Variants in C16orf54 observed in about 807,000 individuals in gnomAD.
C16orf54 encodes the protein transmembrane protein C16orf54.
C16orf54 carries 2 observed loss-of-function variants against 3.9 expected under a neutral mutation model. The ratio of observed to expected loss-of-function variants is 0.52; its 90% CI spans 0.21 to 1.63. The LOEUF (loss-of-function observed/expected upper bound fraction) is 1.63. C16orf54 is among the 40% of genes most tolerant of loss of function. The pLI, the probability that C16orf54 is intolerant of heterozygous loss-of-function variation, is 0.21. For missense variants in C16orf54, 272 were observed against 326.3 expected (o/e 0.83, Z 1.28); for synonymous variants, 128 against 135.1 (o/e 0.95, Z 0.37).
rs1222488539 is a variant in C16orf54, at chr16:29,742,467, G to A, written c.*1810C>T. 6.6e-6 allele frequency: 1 copy of A among 152,146 alleles called. No homozygotes were observed. Among genetic ancestry groups the A allele is most frequent in the African/African-American group, 2.4e-5 (1 of 41,430 alleles). 9.4% of individuals were successfully genotyped at this position (152,146 alleles called of 1,614,324 possible). A position where few individuals can be genotyped will look rare whatever the true frequency, so the allele number is the denominator to read the frequency against. ...ACAGAATTTAGATCTTAACAATTTT[G>A]TTTACATTGTATTTATTTTCATGTT... On this transcript the variant is annotated 3_prime_UTR_variant, in exon 2 of 2. Transcript: ENST00000329410.
intron 1 of C16orf54, among the ~76,000 whole-genome samples, chr16:29,745,654 G>A (rs1207287469): frequency 6.6e-6 from 1 of 152,016 alleles, no homozygotes; most frequent in Non-Finnish European, 1.5e-5. Flanking sequence ...ACCGCCTGCC[G>A]CCAGCACCTC....
chr16:29,745,223 A>G, intron 1 of C16orf54: 1 of 369,592 alleles, frequency 2.7e-6, no homozygotes, highest in Non-Finnish European at 4.8e-6. Context: ...TCCCAGCTAC[A>G]CAGGAAGCTG....
chr16:29,745,736 G>T (rs542473701), intron 1 of C16orf54, among the ~76,000 whole-genome samples, 175 bp downstream of exon 1: 1 of 152,220 alleles, frequency 6.6e-6, no homozygotes, highest in South Asian at 2.1e-4. Flanking sequence ...TAGGCTCCAC[G>T]GAATCTGCTG....
rs1968079999 is a variant in C16orf54, at chr16:29,742,899, G to A, written c.*1378C>T. ...CAGGAGTTCAAGGCCGCAGTGAGCT[G>A]AGATTGTGCCACTGTAGTCCAGCCT... is the stretch of plus-strand genomic sequence containing the variant. On this transcript the variant is annotated 3_prime_UTR_variant, in exon 2 of 2. Coordinates refer to ENST00000329410, the MANE Select transcript of C16orf54 (RefSeq NM_175900.4). 1 of 152,040 alleles carries A rather than the reference G, an allele frequency of 6.6e-6. No homozygotes were observed. Among genetic ancestry groups the A allele is most frequent in the Non-Finnish European group, 1.5e-5 (1 of 68,116 alleles). 9.4% of individuals were successfully genotyped at this position (152,040 alleles called of 1,614,324 possible).
rs963872881 is a variant in C16orf54, at chr16:29,743,630, G to A, written c.*647C>T. ...GGAGAATGGGCAGAGGAGCCTGTGG[G>A]TTTTCTCTGACTCTAGGTCCCCACT... is the stretch of plus-strand genomic sequence containing the variant. On this transcript the variant is annotated 3_prime_UTR_variant, in exon 2 of 2. Transcript: ENST00000329410. The A allele has an allele frequency of 2.0e-5, 3 of 152,418 alleles. No homozygotes were observed. Among genetic ancestry groups the A allele is most frequent in the African/African-American group, 4.8e-5 (2 of 41,414 alleles). 9.4% of individuals were successfully genotyped at this position (152,418 alleles called of 1,614,324 possible).
chr16:29,744,903 CG>C lies in C16orf54; in HGVS notation c.48del (p.Ala17HisfsTer87), dbSNP rs779892161. 4.1e-6 allele frequency: 6 copies of C among 1,461,942 alleles called. No homozygotes were observed. The highest frequency in any genetic ancestry group is 2.7e-5 in the Admixed American group (1 of 37,302). 90.6% of individuals were successfully genotyped at this position (1,461,942 alleles called of 1,614,324 possible). On this transcript the variant is annotated frameshift_variant, in exon 2 of 2. Coordinates refer to ENST00000329410, the MANE Select transcript of C16orf54 (RefSeq NM_175900.4). LOFTEE classifies it low-confidence loss of function (END_TRUNC). This position sits in a 1 kb window ranked among gnomAD's most constrained non-coding sequence, Gnocchi z 7.1. ...EPPSGRVEGP[P>X]AWEAAPWPSL... is the part of the protein sequence containing the mutation. ...GAGGGCCATGGGGCTGCTTCCCATG[CG>C]GGGGGCCCCTCCACGCGCCCAGAGG...
Position 29,744,900 on chromosome 16 carries a change from A to T in C16orf54, c.52T>A (p.Trp18Arg). Reference protein sequence around the residue: ...PSGRVEGPPAWEAAPWPSLPC... With the variant: ...PSGRVEGPPAREAAPWPSLPC... ...AGTGAGGGCCATGGGGCTGCTTCCC[A>T]TGCGGGGGGCCCCTCCACGCGCCCA... Residue 18 changes from tryptophan to arginine, a missense_variant, in exon 2 of 2, where the codon TGG becomes AGG. Trp to Arg is a moderately radical substitution (Grantham distance 101). Coordinates refer to ENST00000329410, the MANE Select transcript of C16orf54 (RefSeq NM_175900.4). This position sits in a 1 kb window ranked among gnomAD's most constrained non-coding sequence, Gnocchi z 7.1. 6.8e-7 allele frequency: 1 copy of T among 1,463,944 alleles called. No individual in the cohort carries two copies. The allele number at this position is 1,463,944 out of a possible 1,614,324, so 90.7% of individuals were successfully genotyped here.
Position 29,743,631 on chromosome 16 carries a change from T to C in C16orf54, c.*646A>G, listed in dbSNP as rs1296293493. The C allele has an allele frequency of 6.6e-6, 1 of 152,112 alleles. No homozygotes were observed. Among genetic ancestry groups the C allele is most frequent in the Non-Finnish European group, 1.5e-5 (1 of 68,128 alleles). The allele number at this position is 152,112 out of a possible 1,614,324, so 9.4% of individuals were successfully genotyped here. On this transcript the variant is annotated 3_prime_UTR_variant, in exon 2 of 2. Transcript: ENST00000329410. Reference sequence around the variant, plus strand: ...GAGAATGGGCAGAGGAGCCTGTGGGTTTTCTCTGACTCTAGGTCCCCACTC... The same window carrying C: ...GAGAATGGGCAGAGGAGCCTGTGGGCTTTCTCTGACTCTAGGTCCCCACTC...
chr16:29,745,629 G>C (rs9925082), intron 1 of C16orf54, among the ~76,000 whole-genome samples: 1 of 152,232 alleles, frequency 6.6e-6, no homozygotes, highest in African/African-American at 2.4e-5. Flanking sequence ...TGGCTCCCCT[G>C]CGTGTGTCTC....
At chr16:29,745,178 A>T (rs752283187) in intron 1 of C16orf54, 10 of 421,210 alleles carry the variant, frequency 2.4e-5, no homozygotes, top group Middle Eastern at 6.0e-4. Context: ...AAAATAATTT[A>T]AAAACTAGCT....
At position 29,743,654 on chromosome 16, in the gene C16orf54, C is replaced by T. The variant is rs895642462; in HGVS notation, c.*623G>A. The T allele has an allele frequency of 5.9e-5, 9 of 152,636 alleles. No individual in the cohort carries two copies. Among genetic ancestry groups the T allele is most frequent in the African/African-American group, 2.2e-4 (9 of 41,438 alleles). The allele number at this position is 152,636 out of a possible 1,614,324, so 9.5% of individuals were successfully genotyped here. Reference sequence around the variant, plus strand: ...GGTTTTCTCTGACTCTAGGTCCCCACTCCAGCAAGACAGCGCCGCTGCAGC... The same window carrying T: ...GGTTTTCTCTGACTCTAGGTCCCCATTCCAGCAAGACAGCGCCGCTGCAGC... On this transcript the variant is annotated 3_prime_UTR_variant, in exon 2 of 2. Coordinates refer to ENST00000329410, the MANE Select transcript of C16orf54 (RefSeq NM_175900.4).
chr16:29,744,500 A>T lies in C16orf54; in HGVS notation c.452T>A (p.Phe151Tyr). 1 of 1,540,238 alleles carries T rather than the reference A, an allele frequency of 6.5e-7. No individual in the cohort carries two copies. ...TVLEVPARST[F>Y]WGPQPWEGRP... is the part of the protein sequence containing the mutation. ...CCCCTCCCAGGGCTGGGGCCCCCAG[A>T]AGGTGCTCCGGGCTGGGACCTCCAG... The change falls in exon 2 of 2, where the codon TTC becomes TAC. Residue 151 changes from phenylalanine to tyrosine, a missense_variant. Physicochemically the swap from Phe to Tyr is conservative, Grantham distance 22. Transcript: ENST00000329410. This position sits in a 1 kb window ranked among gnomAD's most constrained non-coding sequence, Gnocchi z 7.1.
In C16orf54 at chr16:29,744,559, A is replaced by C. The variant is rs1968111659; in HGVS notation, c.393T>G (p.Asn131Lys). Residue 131 changes from asparagine to lysine, a missense_variant, in exon 2 of 2, where the codon AAT (asparagine) becomes AAG (lysine). Transcript: ENST00000329410. The surrounding 1 kb of genome is among the most constrained non-coding windows in gnomAD (Gnocchi z 7.1). ...ATAPPAPSAP[N>K]SAPSNLGPQT... is the part of the protein sequence containing the mutation. ...GGGGGCCCAAGTTGCTGGGAGCAGA[A>C]TTTGGGGCTGAGGGGGCAGGTGGGG... The C allele has an allele frequency of 1.3e-6, 2 of 1,488,272 alleles. No homozygotes were observed. 92.2% of individuals were successfully genotyped at this position (1,488,272 alleles called of 1,614,324 possible). A position where few individuals can be genotyped will look rare whatever the true frequency, so the allele number is the denominator to read the frequency against.
At position 29,744,903 on chromosome 16, in the gene C16orf54, C is replaced by T. The variant is rs775186423; in HGVS notation, c.49G>A (p.Ala17Thr). 15 of 1,461,870 alleles carry T rather than the reference C, an allele frequency of 1.0e-5. No individual in the cohort carries two copies. Among genetic ancestry groups the T allele is most frequent in the East Asian group, 7.8e-5 (3 of 38,352 alleles). 90.6% of individuals were successfully genotyped at this position (1,461,870 alleles called of 1,614,324 possible). ...PPSGRVEGPP[A>T]WEAAPWPSLP... ...GAGGGCCATGGGGCTGCTTCCCATG[C>T]GGGGGGCCCCTCCACGCGCCCAGAG... The change falls in exon 2 of 2, where the codon GCA (alanine) becomes ACA (threonine). Residue 17 changes from alanine to threonine, a missense_variant. By Grantham distance (58) the Ala-to-Thr change is moderately conservative (BLOSUM62 0). Transcript: ENST00000329410. The surrounding 1 kb of genome is among the most constrained non-coding windows in gnomAD (Gnocchi z 7.1).
Position 29,744,352 on chromosome 16 carries a change from GC to G in C16orf54, c.599del (p.Gly200AlafsTer51). ...QRPGSPDPEW[G>X]LQPRVTLEQI... ...GCTCCAAGGTGACCCGTGGCTGGAGGCCCCACTCAGGATCCGGGCTCCCTGG... is the reference window on the plus strand; with the variant it reads ...GCTCCAAGGTGACCCGTGGCTGGAGGCCCACTCAGGATCCGGGCTCCCTGG... On this transcript the variant is annotated frameshift_variant, in exon 2 of 2. Coordinates refer to ENST00000329410, the MANE Select transcript of C16orf54 (RefSeq NM_175900.4). LOFTEE classifies it high-confidence loss of function. This position sits in a 1 kb window ranked among gnomAD's most constrained non-coding sequence, Gnocchi z 7.1. The G allele has an allele frequency of 6.2e-7, 1 of 1,612,770 alleles. No individual in the cohort carries two copies. The highest frequency in any genetic ancestry group is 8.5e-7 in the Non-Finnish European group (1 of 1,179,920).
At chr16:29,745,194 T>C in intron 1 of C16orf54, 2 of 404,690 alleles carry the variant, frequency 4.9e-6, no homozygotes, top group Admixed American at 4.4e-5. Flanking sequence ...TAGCTGGGTG[T>C]GGTGGCTCAC....
At chr16:29,745,031 C>T (rs921027092) in intron 1 of C16orf54, 80 bp from the exon 2 acceptor site, 8 of 1,303,594 alleles carry the variant, frequency 6.1e-6, no homozygotes, top group East Asian at 5.8e-5. Context: ...CAGCAGGTGT[C>T]CAGGAAAGCC....
chr16:29,745,717 T>C (rs979492944), intron 1 of C16orf54, among the ~76,000 whole-genome samples, 194 bp downstream of exon 1: 1 of 152,120 alleles, frequency 6.6e-6, no homozygotes, highest in Non-Finnish European at 1.5e-5. Context: ...GGACTTGATC[T>C]TGCTCTCATA....
chr16:29,744,113 C>T lies in C16orf54; in HGVS notation c.*164G>A. Reference sequence around the variant, plus strand: ...GCACTGCTGGGCTTCCCCTAGTCCACATAGCCTGGCCACCACCCAGACCCG... The same window carrying T: ...GCACTGCTGGGCTTCCCCTAGTCCATATAGCCTGGCCACCACCCAGACCCG... On this transcript the variant is annotated 3_prime_UTR_variant, in exon 2 of 2. Transcript: ENST00000329410. This position sits in a 1 kb window ranked among gnomAD's most constrained non-coding sequence, Gnocchi z 7.1. 4 of 695,906 alleles carry T rather than the reference C, an allele frequency of 5.7e-6. No individual in the cohort carries two copies. Among genetic ancestry groups the T allele is most frequent in the Non-Finnish European group, 9.9e-6 (4 of 402,978 alleles). 43.1% of individuals were successfully genotyped at this position (695,906 alleles called of 1,614,324 possible).
Sources: allele counts gnomAD v4.1 joint callset (sites outside exome capture counted in the v4.1 genomes callset), GRCh38; gene constraint gnomAD v4.1.1; non-coding constraint Gnocchi (gnomAD v3.1); transcripts MANE v1.5; gene names NCBI Gene and HGNC (gene_info 2026-07-23, HGNC 2026-07-21).